Variants in LUZP2 observed in about 807,000 individuals in gnomAD.
The protein encoded by LUZP2 is leucine zipper protein 2.
In LUZP2, 52 loss-of-function variants were observed where a neutral mutation model predicts 51.6. That is an observed-to-expected ratio of 1.01 (90% CI 0.81 to 1.27). The LOEUF (loss-of-function observed/expected upper bound fraction) is 1.27, where lower values mean the gene tolerates loss of function less well. Among genes scored for constraint, LUZP2 ranks in the 50% most tolerant of loss-of-function variants. The pLI is 0.00. For missense variants in LUZP2, 436 were observed against 395.4 expected (o/e 1.10, Z -0.87); for synonymous variants, 154 against 137.3 (o/e 1.12, Z -0.85).
At chr11:25,037,914 G>C (rs1194527546) in intron 9 of LUZP2, among the ~76,000 whole-genome samples, 1 of 151,766 alleles carries the variant, frequency 6.6e-6, no homozygotes. Context: ...CTCCATCTTG[G>C]TGAAATCTGA....
At chr11:24,896,278 A>T (rs1315324283) in intron 5 of LUZP2, among the ~76,000 whole-genome samples, 1 of 151,626 alleles carries the variant, frequency 6.6e-6, no homozygotes, top group Non-Finnish European at 1.5e-5. Flanking sequence ...GCTTGCAGGG[A>T]GGTGTGGAGG....
At chr11:24,520,385 G>A (rs1850605920) in intron 1 of LUZP2, among the ~76,000 whole-genome samples, 1 of 152,144 alleles carries the variant, frequency 6.6e-6, no homozygotes, top group African/African-American at 2.4e-5. Flanking sequence ...AGTTGCATTT[G>A]GACACCATTT....
At chr11:25,076,500 G>A (rs1366452629) in intron 10 of LUZP2, among the ~76,000 whole-genome samples, 1 of 151,774 alleles carries the variant, frequency 6.6e-6, no homozygotes, top group South Asian at 2.1e-4. Flanking sequence ...AGGAAGAGAG[G>A]AAGGAGGAAA....
chr11:24,955,396 C>G (rs1214970269), intron 7 of LUZP2, among the ~76,000 whole-genome samples: 1 of 151,620 alleles, frequency 6.6e-6, no homozygotes. Context: ...AGAAGGATGT[C>G]TTTTATTTTA....
Position 24,614,450 on chromosome 11 carries a change from T to TA in LUZP2, c.63-114713dup, listed in dbSNP as rs896926993. Among the ~76,000 whole-genome samples, 11 of 152,076 alleles carry TA rather than the reference T, an allele frequency of 7.2e-5. No individual in the cohort carries two copies. The East Asian group carries it at 1.2e-3, about 16-fold the overall frequency. The stretch of plus-strand genomic sequence containing the variant: ...ATTTATATCATTTCATTTAACCCCC[T>TA]AAAAAAGAATTTGAAAAGCCTTTTA... On this transcript the variant is annotated intron_variant, in intron 1 of 11. Transcript: ENST00000336930.
In LUZP2 at chr11:24,890,267, T is replaced by C. The variant is rs1445903185; in HGVS notation, c.397-15724T>C. 3.3e-5 allele frequency among the ~76,000 whole-genome samples: 5 copies of C among 152,196 alleles called. No individual in the cohort carries two copies. The East Asian group carries it at 9.6e-4, about 29-fold the overall frequency. ...TACAGAGGTGATAACAAACCAATTA[T>C]ATGTAGTTATCAAAATAATTATTCT... On this transcript the variant is annotated intron_variant, in intron 5 of 11. Transcript: ENST00000336930.
chr11:24,557,901 A>C (rs1851918025), intron 1 of LUZP2, among the ~76,000 whole-genome samples: 1 of 152,094 alleles, frequency 6.6e-6, no homozygotes, highest in African/African-American at 2.4e-5. Context: ...TGCTGAAAGG[A>C]AAACCCAGGG....
intron 1 of LUZP2, among the ~76,000 whole-genome samples, chr11:24,599,186 G>A (rs1853542029): frequency 6.6e-6 from 1 of 152,064 alleles, no homozygotes; most frequent in African/African-American, 2.4e-5. Flanking sequence ...AGGTCTTGAG[G>A]CACTTAGGTT....
chr11:24,689,011 T>G (rs1251275171), intron 1 of LUZP2, among the ~76,000 whole-genome samples: 1 of 152,042 alleles, frequency 6.6e-6, no homozygotes, highest in Non-Finnish European at 1.5e-5. Context: ...CTTGTCTCCT[T>G]GGAGGGAGGA....
intron 1 of LUZP2, among the ~76,000 whole-genome samples, chr11:24,657,979 C>T (rs1461108564): frequency 1.1e-4 from 16 of 152,102 alleles, no homozygotes; most frequent in South Asian, 2.1e-4. Flanking sequence ...GAATCAATAT[C>T]GTGAAAATGG....
At chr11:24,725,153 G>A (rs1025941986) in intron 1 of LUZP2, among the ~76,000 whole-genome samples, 5 of 152,074 alleles carry the variant, frequency 3.3e-5, no homozygotes, top group African/African-American at 1.2e-4. Flanking sequence ...ATTTGCCAAT[G>A]AAACTGTCAA....
In LUZP2 at chr11:24,777,262, G is replaced by A. The variant is rs562769315; in HGVS notation, c.396+13954G>A. 2.6e-5 allele frequency among the ~76,000 whole-genome samples: 4 copies of A among 152,114 alleles called. No individual in the cohort carries two copies. In the South Asian group the frequency reaches 8.3e-4, roughly 32 times the overall value. Reference sequence around the variant, plus strand: ...CCCGCCTCGGCCTCCCAAAGTGCTGGAATTACAGGCTTGAGCCACCGCGCC... The same window carrying A: ...CCCGCCTCGGCCTCCCAAAGTGCTGAAATTACAGGCTTGAGCCACCGCGCC... On this transcript the variant is annotated intron_variant, in intron 5 of 11. Transcript: ENST00000336930.
intron 1 of LUZP2, among the ~76,000 whole-genome samples, chr11:24,630,567 T>G (rs1854844711): frequency 6.6e-6 from 1 of 152,044 alleles, no homozygotes; most frequent in Admixed American, 6.6e-5. Flanking sequence ...TTAATGCCAG[T>G]ATCATACTGT....
At chr11:24,577,772 A>T (rs1249392822) in intron 1 of LUZP2, among the ~76,000 whole-genome samples, 1 of 152,122 alleles carries the variant, frequency 6.6e-6, no homozygotes, top group Non-Finnish European at 1.5e-5. Flanking sequence ...TATTACACCT[A>T]CTTTATAGAT....
intron 10 of LUZP2, among the ~76,000 whole-genome samples, chr11:25,073,446 G>A (rs1859212784): frequency 6.6e-6 from 1 of 152,162 alleles, no homozygotes; most frequent in African/African-American, 2.4e-5. Flanking sequence ...ACATTCCTTT[G>A]TGTCCTGGCT....
chr11:25,071,886 T>C (rs955177403), intron 10 of LUZP2, among the ~76,000 whole-genome samples: 11 of 151,668 alleles, frequency 7.3e-5, no homozygotes, highest in Admixed American at 2.6e-4. Flanking sequence ...TGAAAAAGCA[T>C]ATAAAGTTAA....
At chr11:24,780,258 C>T (rs1849050752) in intron 5 of LUZP2, among the ~76,000 whole-genome samples, 1 of 151,998 alleles carries the variant, frequency 6.6e-6, no homozygotes, top group Admixed American at 6.6e-5. Context: ...GGCAAGCATT[C>T]CCCTTTGACC....
chr11:24,962,811 G>A (rs1855455668), intron 7 of LUZP2, among the ~76,000 whole-genome samples: 1 of 152,236 alleles, frequency 6.6e-6, no homozygotes. Flanking sequence ...GTGAGGAACT[G>A]CGTTCCTTTG....
intron 5 of LUZP2, among the ~76,000 whole-genome samples, chr11:24,832,401 G>T (rs1850728523): frequency 6.6e-6 from 1 of 151,862 alleles, no homozygotes; most frequent in Non-Finnish European, 1.5e-5. Flanking sequence ...TAATAAAATA[G>T]ATATTATTAT....
Sources: allele counts gnomAD v4.1 joint callset (sites outside exome capture counted in the v4.1 genomes callset), GRCh38; gene constraint gnomAD v4.1.1; transcripts MANE v1.5; gene names NCBI Gene and HGNC (gene_info 2026-07-23, HGNC 2026-07-21).